The following SPECC1 variants were observed in gnomAD, a reference collection of about 807,000 sequenced individuals.
The protein encoded by SPECC1 is cytospin-B.
Under a neutral mutation model 104.1 loss-of-function variants are expected in SPECC1, and 62 were observed. That is an observed-to-expected ratio of 0.60 (90% CI 0.49 to 0.74). The LOEUF is 0.74. SPECC1 is among the 30% of genes least tolerant of loss of function. The pLI is 0.00. For synonymous variants in SPECC1, 513 were observed against 501.6 expected (o/e 1.02, Z -0.30); for missense variants, 1,306 against 1,310.5 (o/e 1.00, Z 0.05).
chr17:20,149,558 T>C (rs1004031110), intron 3 of SPECC1, among the ~76,000 whole-genome samples: 3 of 152,246 alleles, frequency 2.0e-5, no homozygotes, highest in African/African-American at 7.2e-5. Context: ...AAGCACACCC[T>C]GAATGACTAC....
chr17:20,222,509 T>C (rs1396202696), intron 4 of SPECC1, among the ~76,000 whole-genome samples: 1 of 152,224 alleles, frequency 6.6e-6, no homozygotes, highest in African/African-American at 2.4e-5. Context: ...GATATTTCTT[T>C]GTTGATTTTC....
intron 7 of SPECC1, chr17:20,238,527 G>A: frequency 3.8e-6 from 4 of 1,042,302 alleles, no homozygotes; most frequent in Non-Finnish European, 4.6e-6. Flanking sequence ...ATTAGGAACA[G>A]GAATGCTCTT....
chr17:20,053,160 C>A (rs1031751483), intron 1 of SPECC1, among the ~76,000 whole-genome samples: 6 of 152,188 alleles, frequency 3.9e-5, no homozygotes, highest in Non-Finnish European at 8.8e-5. Context: ...AAAAAGAATT[C>A]CACCGAAATT....
intron 3 of SPECC1, among the ~76,000 whole-genome samples, chr17:20,128,065 G>A (rs1597775530): frequency 6.6e-6 from 1 of 152,104 alleles, no homozygotes; most frequent in East Asian, 1.9e-4. Flanking sequence ...AGAAATAAAA[G>A]GCAAATAATT....
chr17:20,111,685 T>TC, intron 3 of SPECC1: 1 of 589,386 alleles, frequency 1.7e-6, no homozygotes, highest in East Asian at 3.3e-5. Flanking sequence ...GTGTGGTGTG[T>TC]CCCCAAAAGC....
intron 3 of SPECC1, among the ~76,000 whole-genome samples, chr17:20,195,332 GATAC>G (rs2035957571): frequency 1.3e-5 from 2 of 151,770 alleles, no homozygotes; most frequent in Middle Eastern, 3.4e-3. Context: ...TTACTTCTGT[GATAC>G]ACAGAATTTT....
intron 3 of SPECC1, among the ~76,000 whole-genome samples, chr17:20,191,370 C>T (rs2035657808): frequency 6.6e-6 from 1 of 152,154 alleles, no homozygotes; most frequent in Non-Finnish European, 1.5e-5. Flanking sequence ...TGCTCCACAT[C>T]CTCACCAGTA....
intron 3 of SPECC1, among the ~76,000 whole-genome samples, chr17:20,189,182 C>T (rs2035486216): frequency 6.6e-6 from 1 of 152,308 alleles, no homozygotes; most frequent in East Asian, 1.9e-4. Flanking sequence ...CTAAAGCCTG[C>T]ACCCTCAGCT....
chr17:20,257,221 A>G (rs2039864819), intron 10 of SPECC1, among the ~76,000 whole-genome samples: 2 of 152,236 alleles, frequency 1.3e-5, no homozygotes, highest in African/African-American at 4.8e-5. Flanking sequence ...TCATCTTGAA[A>G]TTCACAGTGA....
Position 20,204,781 on chromosome 17 carries a change from G to C in SPECC1, c.732G>C (p.Glu244Asp). The stretch of plus-strand genomic sequence containing the variant: ...TTCAGAAAGAGCTTTCCGATCTAGA[G>C]GAAGAAAACCGGGTCCTGAAGGAGA... ...KNFQKELSDL[E>D]EENRVLKEKL... The change falls in exon 4 of 15, where the codon GAG (glutamate) becomes GAC (aspartate). Residue 244 changes from glutamate to aspartate, a missense_variant. Physicochemically the swap from Glu to Asp is conservative, Grantham distance 45. Transcript: ENST00000395527. The C allele has an allele frequency of 6.2e-7, 1 of 1,614,068 alleles. No homozygotes were observed. The highest frequency in any genetic ancestry group is 8.5e-7 in the Non-Finnish European group (1 of 1,180,032).
rs141167198 is a variant in SPECC1, at chr17:20,075,532, G to A, written c.-21-21099G>A. Among the ~76,000 whole-genome samples the A allele has an allele frequency of 6.0e-4, 91 of 152,336 alleles. No homozygotes were observed. The East Asian group carries it at 0.016, about 27-fold the overall frequency. On this transcript the variant is annotated intron_variant, in intron 1 of 14. Transcript: ENST00000395527. ...ATTTCTGGATTTTTTGCTGGGTGCA[G>A]TGGCTTGCACCTGAAATCCCAGCTA...
intron 7 of SPECC1, among the ~76,000 whole-genome samples, chr17:20,242,275 AAGC>A (rs1440665314): frequency 1.3e-5 from 2 of 152,264 alleles, no homozygotes; most frequent in South Asian, 2.1e-4. Flanking sequence ...ATAACAAGGA[AAGC>A]AGCAAATTAG....
intron 4 of SPECC1, among the ~76,000 whole-genome samples, chr17:20,222,320 C>T (rs555237645): frequency 1.3e-5 from 2 of 151,774 alleles, no homozygotes; most frequent in Non-Finnish European, 2.9e-5. Context: ...GGAGACAGAG[C>T]GAGATTGTGT....
Position 20,257,391 on chromosome 17 carries a change from T to C in SPECC1, c.2681-60T>C, listed in dbSNP as rs535602998. 3.3e-6 allele frequency: 5 copies of C among 1,506,340 alleles called. No homozygotes were observed. In the South Asian group the frequency reaches 5.3e-5, roughly 16 times the overall value. The allele number at this position is 1,506,340 out of a possible 1,614,324, so 93.3% of individuals were successfully genotyped here. A position where few individuals can be genotyped will look rare whatever the true frequency, so the allele number is the denominator to read the frequency against. ...AACTGTATTGTATTTGAGAATGAAG[T>C]ATGATGGCAGTCAAGAGCTGCTTCT... is the stretch of plus-strand genomic sequence containing the variant. On this transcript the variant is annotated intron_variant, in intron 10 of 14. Transcript: ENST00000395527.
chr17:20,155,841 G>GGC, intron 3 of SPECC1: 4 of 896,348 alleles, frequency 4.5e-6, no homozygotes, highest in Non-Finnish European at 5.5e-6. Flanking sequence ...CCCACGGCGC[G>GGC]GGGCCTTCTG....
At position 20,181,781 on chromosome 17, in the gene SPECC1, C is replaced by T. The variant is rs533670497; in HGVS notation, c.284-22552C>T. Among the ~76,000 whole-genome samples the T allele has an allele frequency of 1.7e-3, 264 of 151,996 alleles. 1 individual carries two copies. The highest frequency in any genetic ancestry group is 3.2e-3 in the Non-Finnish European group (217 of 67,942). On this transcript the variant is annotated intron_variant, in intron 3 of 14. Coordinates refer to ENST00000395527, the MANE Select transcript of SPECC1 (RefSeq NM_001243439.2). ...AAAAAAAAATTCAATTCACAAATAC[C>T]ATAAAATATCTAGGAGTAATTTAAA... is the stretch of plus-strand genomic sequence containing the variant.
intron 3 of SPECC1, among the ~76,000 whole-genome samples, chr17:20,176,926 T>C (rs1335942512): frequency 6.6e-6 from 1 of 152,194 alleles, no homozygotes; most frequent in Admixed American, 6.5e-5. Flanking sequence ...GGGATTGTTA[T>C]TCAGTGTGCT....
intron 3 of SPECC1, among the ~76,000 whole-genome samples, chr17:20,141,855 T>C (rs940198444): frequency 2.0e-5 from 3 of 152,232 alleles, no homozygotes; most frequent in Admixed American, 2.0e-4. Flanking sequence ...TTTCTTCCGA[T>C]TCAGTTACGT....
intron 3 of SPECC1, among the ~76,000 whole-genome samples, chr17:20,113,937 T>C (rs1249485574): frequency 1.3e-5 from 2 of 152,214 alleles, no homozygotes; most frequent in Non-Finnish European, 2.9e-5. Flanking sequence ...GAAATAGATA[T>C]TAAATCCAGA....
Sources: gnomAD v4.1 joint callset for allele counts (sites outside exome capture counted in the v4.1 genomes callset) on GRCh38, gnomAD v4.1.1 for gene constraint, MANE v1.5 for transcripts, NCBI Gene and HGNC (gene_info 2026-07-23, HGNC 2026-07-21) for gene names.